Variants in NBAS observed in about 807,000 individuals in gnomAD.
NBAS encodes NBAS subunit of NRZ tethering complex.
Under a neutral mutation model 302.5 loss-of-function variants are expected in NBAS, and 219 were observed. That is an observed-to-expected ratio of 0.72 (90% CI 0.65 to 0.81). The LOEUF is 0.81. NBAS is among the 30% of genes least tolerant of loss of function. The pLI, the probability that NBAS is intolerant of heterozygous loss-of-function variation, is 0.00. For missense variants in NBAS, 2,932 were observed against 2,841.6 expected (o/e 1.03, Z -0.72); for synonymous variants, 1,118 against 1,021.6 (o/e 1.09, Z -1.80).
intron 10 of NBAS, among the ~76,000 whole-genome samples, chr2:15,510,065 G>T (rs1010079590): frequency 1.3e-5 from 2 of 152,138 alleles, no homozygotes; most frequent in African/African-American, 2.4e-5. Context: ...GCTCAGGCTG[G>T]TCTTGAACTC....
the NBAS span, among the ~76,000 whole-genome samples, chr2:15,015,233 C>G: frequency 1.3e-5 from 2 of 151,458 alleles, no homozygotes; most frequent in Admixed American, 6.6e-5. Flanking sequence ...ACTAATTATT[C>G]TCAAACTATT....
the NBAS span, among the ~76,000 whole-genome samples, chr2:14,821,684 AGCAAAAAAGTCT>A: frequency 6.6e-6 from 1 of 152,106 alleles, no homozygotes; most frequent in Non-Finnish European, 1.5e-5. Context: ...GTAGGACTCC[AGCAAAAAAGTCT>A]GCACTCTCCT....
intron 51 of NBAS, among the ~76,000 whole-genome samples, chr2:15,170,236 T>C (rs936025229): frequency 1.3e-5 from 2 of 152,124 alleles, no homozygotes; most frequent in Non-Finnish European, 2.9e-5. Flanking sequence ...CCCTTCATAG[T>C]TTGTGTTTCT....
chr2:15,313,434 C>G (rs1415506968), intron 38 of NBAS, among the ~76,000 whole-genome samples: 1 of 152,136 alleles, frequency 6.6e-6, no homozygotes, highest in Non-Finnish European at 1.5e-5. Flanking sequence ...ATCTGCCAAA[C>G]TCAGAAAGGC....
At chr2:14,808,158 T>C in the NBAS span, among the ~76,000 whole-genome samples, 2 of 152,224 alleles carry the variant, frequency 1.3e-5, no homozygotes, top group Non-Finnish European at 2.9e-5. Context: ...CAACCACATA[T>C]GGAATAGGAA....
At chr2:15,412,970 G>C (rs1486562728) in intron 25 of NBAS, among the ~76,000 whole-genome samples, 1 of 152,132 alleles carries the variant, frequency 6.6e-6, no homozygotes, top group Admixed American at 6.5e-5. Context: ...AGATTACAAA[G>C]CCCTATCTTA....
At chr2:14,819,440 C>CA in the NBAS span, among the ~76,000 whole-genome samples, 1 of 152,058 alleles carries the variant, frequency 6.6e-6, no homozygotes, top group Non-Finnish European at 1.5e-5. Context: ...ATATCAATAG[C>CA]AAAAGATTTT....
At chr2:15,139,704 G>C in the NBAS span, among the ~76,000 whole-genome samples, 2 of 152,084 alleles carry the variant, frequency 1.3e-5, no homozygotes, top group Non-Finnish European at 2.9e-5. Context: ...CTGAACAAGG[G>C]TCCCTCACCT....
chr2:14,860,569 A>G, the NBAS span, among the ~76,000 whole-genome samples: 4 of 152,192 alleles, frequency 2.6e-5, no homozygotes, highest in South Asian at 8.3e-4. Context: ...ATTAAGTGAA[A>G]TAAGTCAAGC....
the NBAS span, among the ~76,000 whole-genome samples, chr2:15,056,844 T>G: frequency 6.6e-6 from 1 of 150,550 alleles, no homozygotes; most frequent in African/African-American, 2.4e-5. Flanking sequence ...TTTTTTTTTT[T>G]TTTTGACGGA....
chr2:15,046,935 T>C, the NBAS span, among the ~76,000 whole-genome samples: 1 of 152,138 alleles, frequency 6.6e-6, no homozygotes, highest in African/African-American at 2.4e-5. Flanking sequence ...CTATAACTGG[T>C]CCAGTCAACA....
chr2:15,553,644 C>T (rs556249254), intron 4 of NBAS, among the ~76,000 whole-genome samples, 171 bp from the exon 5 acceptor site: 17 of 152,294 alleles, frequency 1.1e-4, no homozygotes, highest in Non-Finnish European at 2.1e-4. Flanking sequence ...TACAAAAGCA[C>T]ACAAAATGAT....
At chr2:15,302,337 C>A (rs547238416) in intron 40 of NBAS, among the ~76,000 whole-genome samples, 1 of 152,208 alleles carries the variant, frequency 6.6e-6, no homozygotes, top group Non-Finnish European at 1.5e-5. Flanking sequence ...TGCCCATGTG[C>A]TATCTCAGGC....
intron 48 of NBAS, among the ~76,000 whole-genome samples, chr2:15,211,595 A>T (rs574452725): frequency 1.3e-4 from 20 of 152,196 alleles, no homozygotes; most frequent in African/African-American, 4.8e-4. Context: ...TTTTCCTTCA[A>T]CGTTTTTCTC....
At chr2:15,032,533 C>A in the NBAS span, among the ~76,000 whole-genome samples, 1 of 152,118 alleles carries the variant, frequency 6.6e-6, no homozygotes, top group South Asian at 2.1e-4. Flanking sequence ...TGAATTCCTC[C>A]TCATAGCTTG....
intron 6 of NBAS, among the ~76,000 whole-genome samples, chr2:15,543,676 A>T (rs948598479): frequency 1.3e-5 from 2 of 152,138 alleles, no homozygotes; most frequent in African/African-American, 4.8e-5. Context: ...AAACCATCAG[A>T]TCTCGTGAGA....
Position 15,478,014 on chromosome 2 carries a change from T to C in NBAS, c.1147+212A>G, listed in dbSNP as rs542714256. Reference sequence around the variant, plus strand: ...TAAGCATTGAACTCAGTGTACCATCTCAATGCTGGCTCCTGGCAGGAGAGC... The same window carrying C: ...TAAGCATTGAACTCAGTGTACCATCCCAATGCTGGCTCCTGGCAGGAGAGC... On this transcript the variant is annotated intron_variant, in intron 13 of 51. Coordinates refer to ENST00000281513, the MANE Select transcript of NBAS (RefSeq NM_015909.4). Among the ~76,000 whole-genome samples the C allele has an allele frequency of 3.2e-4, 13 of 40,854 alleles. 1 individual carries two copies. The East Asian group carries it at 3.4e-3, about 11-fold the overall frequency. 26.8% of individuals were successfully genotyped at this position (40,854 alleles called of 152,430 possible). A position where few individuals can be genotyped will look rare whatever the true frequency, so the allele number is the denominator to read the frequency against.
chr2:14,797,094 C>CAA, the NBAS span, among the ~76,000 whole-genome samples: 279 of 91,106 alleles, frequency 3.1e-3, 3 homozygotes, highest in African/African-American at 7.9e-3. Context: ...GACTCCGTCT[C>CAA]AAAAAAAAAA....
the NBAS span, among the ~76,000 whole-genome samples, chr2:15,079,756 C>T: frequency 1.3e-5 from 2 of 152,166 alleles, no homozygotes; most frequent in Non-Finnish European, 1.5e-5. Flanking sequence ...CCTTGTGCCA[C>T]TCACCATCCT....
Sources: allele counts gnomAD v4.1 joint callset (sites outside exome capture counted in the v4.1 genomes callset), GRCh38; gene constraint gnomAD v4.1.1; transcripts MANE v1.5; gene names NCBI Gene and HGNC (gene_info 2026-07-23, HGNC 2026-07-21).